Variants in TBL1XR1 observed in about 807,000 individuals in gnomAD.
TBL1XR1 encodes TBL1X/Y related 1, also known as F-box-like/WD repeat-containing protein TBL1XR1.
TBL1XR1 carries 5 observed loss-of-function variants against 66.9 expected under a neutral mutation model. That is an observed-to-expected ratio of 0.07 (90% CI 0.04 to 0.16). The LOEUF (loss-of-function observed/expected upper bound fraction) is 0.16, where lower values mean the gene tolerates loss of function less well. TBL1XR1 is among the 10% of genes least tolerant of loss of function. The pLI, the probability that TBL1XR1 is intolerant of heterozygous loss-of-function variation, is 1.00. For synonymous variants in TBL1XR1, 210 were observed against 206.0 expected (o/e 1.02, Z -0.17); for missense variants, 238 against 623.2 (o/e 0.38, Z 6.58).
At chr3:177,081,743 CAAAAA>C (rs34501803) in intron 2 of TBL1XR1, among the ~76,000 whole-genome samples, 9 of 129,664 alleles carry the variant, frequency 6.9e-5, no homozygotes, top group Admixed American at 1.5e-4. Context: ...ACCCTGACTT[CAAAAA>C]AAAAAAAAAA....
chr3:177,124,249 GA>G (rs1390102304), intron 1 of TBL1XR1, among the ~76,000 whole-genome samples: 1 of 152,006 alleles, frequency 6.6e-6, no homozygotes, highest in Non-Finnish European at 1.5e-5. Context: ...GGGAAGGATG[GA>G]TCCCAAGCAG....
At chr3:177,063,328 T>C (rs1188463645) in intron 3 of TBL1XR1, among the ~76,000 whole-genome samples, 1 of 152,190 alleles carries the variant, frequency 6.6e-6, no homozygotes. Context: ...GCTATTCAAC[T>C]GTTTCTAACT....
intron 1 of TBL1XR1, among the ~76,000 whole-genome samples, chr3:177,129,608 G>A (rs1036489264): frequency 6.6e-6 from 1 of 152,164 alleles, no homozygotes; most frequent in Non-Finnish European, 1.5e-5. Context: ...GACTGGTATA[G>A]TGGTTACACA....
chr3:177,180,692 C>CA (rs1322078752), intron 1 of TBL1XR1, among the ~76,000 whole-genome samples: 2 of 152,000 alleles, frequency 1.3e-5, no homozygotes, highest in Non-Finnish European at 1.5e-5. Context: ...CAAGACCCCT[C>CA]ATCCCAACCA....
chr3:177,043,862 T>C (rs1715955433), intron 10 of TBL1XR1, among the ~76,000 whole-genome samples: 1 of 152,208 alleles, frequency 6.6e-6, no homozygotes, highest in African/African-American at 2.4e-5. Context: ...AGTAGTGTTT[T>C]TGGATTTATA....
intron 1 of TBL1XR1, among the ~76,000 whole-genome samples, chr3:177,121,431 TTCCATAGCCTA>T (rs763020091): frequency 1.3e-4 from 20 of 152,318 alleles, no homozygotes; most frequent in Admixed American, 3.3e-4. Context: ...TTTTCTTCCC[TTCCATAGCCTA>T]TCCATAGCCT....
At chr3:177,129,227 C>G (rs530139483) in intron 1 of TBL1XR1, among the ~76,000 whole-genome samples, 1 of 152,028 alleles carries the variant, frequency 6.6e-6, no homozygotes, top group South Asian at 2.1e-4. Context: ...AAAAGCAGGA[C>G]TAGATGAAGA....
chr3:177,156,677 G>A (rs1474061747), intron 1 of TBL1XR1, among the ~76,000 whole-genome samples: 1 of 151,684 alleles, frequency 6.6e-6, no homozygotes, highest in Non-Finnish European at 1.5e-5. Flanking sequence ...ATTTTCAAAG[G>A]AGCAAAATAT....
chr3:177,058,832 A>AT (rs1718143879), intron 3 of TBL1XR1, among the ~76,000 whole-genome samples: 1 of 152,228 alleles, frequency 6.6e-6, no homozygotes, highest in Non-Finnish European at 1.5e-5. Context: ...TGTCCCTTTG[A>AT]TAAGTGTGCT....
chr3:177,067,588 A>G (rs1028832206), intron 2 of TBL1XR1, among the ~76,000 whole-genome samples: 1 of 152,206 alleles, frequency 6.6e-6, no homozygotes, highest in African/African-American at 2.4e-5. Flanking sequence ...TTGCTGGTAT[A>G]TTTTTAAGTC....
At chr3:177,186,840 C>T (rs554185631) in intron 1 of TBL1XR1, among the ~76,000 whole-genome samples, 1 of 152,154 alleles carries the variant, frequency 6.6e-6, no homozygotes. Context: ...AATCCCAGCA[C>T]TTTGGGAGCC....
intron 4 of TBL1XR1, among the ~76,000 whole-genome samples, chr3:177,052,934 C>G (rs1350586822): frequency 6.6e-6 from 1 of 151,956 alleles, no homozygotes; most frequent in Non-Finnish European, 1.5e-5. Context: ...GAAACCCTGT[C>G]TCTACAAAAA....
At chr3:177,099,424 A>G (rs902849121) in intron 1 of TBL1XR1, 2 of 152,288 alleles carry the variant, frequency 1.3e-5, no homozygotes, top group African/African-American at 4.8e-5. Context: ...GGAGACTCTT[A>G]GTTGGAACAC....
chr3:177,160,084 G>A lies in TBL1XR1; in HGVS notation c.-122+37037C>T, dbSNP rs146139941. 3.8e-3 allele frequency among the ~76,000 whole-genome samples: 576 copies of A among 152,144 alleles called. 4 individuals are homozygous for A. Among genetic ancestry groups the A allele is most frequent in the Middle Eastern group, 6.8e-3 (2 of 294 alleles). ...AAGAGTGGGGAAAATGGAGCAAGAGGGAACAAAATAATAGTACTTTCTCAA... is the reference window on the plus strand; with the variant it reads ...AAGAGTGGGGAAAATGGAGCAAGAGAGAACAAAATAATAGTACTTTCTCAA... On this transcript the variant is annotated intron_variant, in intron 1 of 15. Coordinates refer to ENST00000457928, the MANE Select transcript of TBL1XR1 (RefSeq NM_024665.7).
intron 1 of TBL1XR1, among the ~76,000 whole-genome samples, chr3:177,152,605 C>T (rs1731031965): frequency 6.6e-6 from 1 of 152,138 alleles, no homozygotes; most frequent in Admixed American, 6.6e-5. Flanking sequence ...TACCCTTTTT[C>T]TTAGCTTTTT....
At chr3:177,090,903 C>T (rs570271758) in intron 2 of TBL1XR1, among the ~76,000 whole-genome samples, 8 of 152,174 alleles carry the variant, frequency 5.3e-5, no homozygotes, top group South Asian at 2.1e-4. Context: ...GTGGGAGAAT[C>T]GATTGAGCCC....
chr3:177,167,984 T>A (rs925348501), intron 1 of TBL1XR1, among the ~76,000 whole-genome samples: 3 of 152,070 alleles, frequency 2.0e-5, no homozygotes, highest in Non-Finnish European at 2.9e-5. Context: ...GGACAAAAAC[T>A]CCAATACAAG....
chr3:177,075,218 G>C lies in TBL1XR1; in HGVS notation c.-45-10196C>G, dbSNP rs958970234. ...GGTAGCACCCGGCATTCCTTGGCTT[G>C]TAGCGGCAAAATTAGTCTCTGCCTC... On this transcript the variant is annotated intron_variant, in intron 2 of 15. Transcript: ENST00000457928. Among the ~76,000 whole-genome samples the C allele has an allele frequency of 3.9e-5, 6 of 152,214 alleles. No homozygotes were observed. In the East Asian group the frequency reaches 5.8e-4, roughly 15 times the overall value.
At chr3:177,062,146 C>G (rs1718594749) in intron 3 of TBL1XR1, among the ~76,000 whole-genome samples, 1 of 152,188 alleles carries the variant, frequency 6.6e-6, no homozygotes, top group African/African-American at 2.4e-5. Flanking sequence ...TCCGCCTGAC[C>G]CACAAACACA....
Sources: allele counts gnomAD v4.1 joint callset (sites outside exome capture counted in the v4.1 genomes callset), GRCh38; gene constraint gnomAD v4.1.1; transcripts MANE v1.5; gene names NCBI Gene and HGNC (gene_info 2026-07-23, HGNC 2026-07-21).